Variants in PREPL observed in about 807,000 individuals in gnomAD.
PREPL encodes prolyl endopeptidase like.
Under a neutral mutation model 70.6 loss-of-function variants are expected in PREPL, and 77 were observed. That is an observed-to-expected ratio of 1.09 (90% confidence interval 0.91 to 1.32). PREPL has a LOEUF of 1.32. PREPL is among the 40% of genes most tolerant of loss of function. The pLI is 0.00. For missense variants in PREPL, 1,002 were observed against 778.2 expected, an observed-to-expected ratio of 1.29 and a Z score of -3.42; for synonymous variants, 315 against 264.8, an observed-to-expected ratio of 1.19 and a Z score of -1.84.
chr2:44,341,979 C>G lies in PREPL; in HGVS notation c.485+438G>C, dbSNP rs180997358. Among the ~76,000 whole-genome samples the G allele has an allele frequency of 4.2e-3, 641 of 152,168 alleles. 1 individual carries two copies. The highest frequency in any genetic ancestry group is 0.015 in the African/African-American group (609 of 41,532). ...AAAGGTACTCAACAATCATCAGGAA[C>G]AAGGGGTTTTAGTTTGAAAGAGAGA... On this transcript the variant is annotated intron_variant, in intron 5 of 13. Coordinates refer to ENST00000409411, the MANE Select transcript of PREPL (RefSeq NM_001171613.2).
chr2:44,321,265 C>T lies in PREPL; in HGVS notation c.*91G>A. 9.0e-7 allele frequency: 1 copy of T among 1,109,242 alleles called. No individual in the cohort carries two copies. Among genetic ancestry groups the T allele is most frequent in the Non-Finnish European group, 1.3e-6 (1 of 768,896 alleles). The allele number at this position is 1,109,242 out of a possible 1,614,324, so 68.7% of individuals were successfully genotyped here. On this transcript the variant is annotated 3_prime_UTR_variant, in exon 14 of 14. Coordinates refer to ENST00000409411, the MANE Select transcript of PREPL (RefSeq NM_001171613.2). ...TAAAAAATTAATAACTTAAAAGTCT[C>T]AAGTTATTAATTTTTTTTTTGCTAA...
rs1225195693 is a variant in PREPL, at chr2:44,338,433, T to C, written c.806A>G (p.His269Arg). ...GCTGTGCTTCAGAAATAGAACACAG[T>C]GATCCTTAAACATGTCCAAGTCTAT... is the stretch of plus-strand genomic sequence containing the variant. ...KVIDLDMFKD[H>R]CVLFLKHSNL... The change falls in exon 7 of 14, where the codon CAC becomes CGC. Residue 269 changes from histidine to arginine, a missense_variant. By Grantham distance (29) the His-to-Arg change is conservative. Transcript: ENST00000409411. 2 of 1,613,418 alleles carry C rather than the reference T, an allele frequency of 1.2e-6. No individual in the cohort carries two copies. The highest frequency in any genetic ancestry group is 1.7e-5 in the Admixed American group (1 of 59,900).
intron 2 of PREPL, among the ~76,000 whole-genome samples, chr2:44,345,758 A>G (rs1675735165): frequency 6.6e-6 from 1 of 152,202 alleles, no homozygotes; most frequent in Non-Finnish European, 1.5e-5. Flanking sequence ...CTTTTATTAA[A>G]AAATTTAGAC....
chr2:44,335,163 T>G (rs960568854), intron 7 of PREPL, among the ~76,000 whole-genome samples: 2 of 151,992 alleles, frequency 1.3e-5, no homozygotes, highest in African/African-American at 4.8e-5. Context: ...GGTCAGAAAA[T>G]GAAGAGATAG....
At chr2:44,357,762 T>C (rs1453454639) in intron 1 of PREPL, among the ~76,000 whole-genome samples, 1 of 152,170 alleles carries the variant, frequency 6.6e-6, no homozygotes, top group African/African-American at 2.4e-5. Flanking sequence ...CAAAATGTTC[T>C]AAACACAATG....
intron 1 of PREPL, chr2:44,359,978 A>G (rs1677502362): frequency 2.4e-6 from 1 of 417,802 alleles, no homozygotes; most frequent in Non-Finnish European, 4.3e-6. Flanking sequence ...TCTCATTTGT[A>G]AAGTTAATCC....
intron 4 of PREPL, among the ~76,000 whole-genome samples, chr2:44,343,353 C>G (rs1004718325): frequency 6.6e-6 from 1 of 151,974 alleles, no homozygotes; most frequent in African/African-American, 2.4e-5. Context: ...TTGGTAGTGA[C>G]TTTATGCTGT....
chr2:44,334,718 G>A (rs1441730993), intron 7 of PREPL, among the ~76,000 whole-genome samples: 1 of 152,024 alleles, frequency 6.6e-6, no homozygotes, highest in Non-Finnish European at 1.5e-5. Flanking sequence ...GCTAGTTTTT[G>A]TATTTTTAGT....
At chr2:44,355,213 T>C (rs1016281865) in intron 1 of PREPL, among the ~76,000 whole-genome samples, 3 of 152,306 alleles carry the variant, frequency 2.0e-5, no homozygotes, top group Non-Finnish European at 4.4e-5. Flanking sequence ...TGAGGAATTA[T>C]CACTCAAGCT....
intron 1 of PREPL, among the ~76,000 whole-genome samples, chr2:44,348,311 C>G (rs1676039907): frequency 6.6e-6 from 1 of 152,166 alleles, no homozygotes; most frequent in Admixed American, 6.5e-5. Flanking sequence ...AGTGGTGAGA[C>G]ATGATATCTG....
intron 4 of PREPL, 126 bp downstream of exon 4, chr2:44,343,619 G>A: frequency 2.6e-6 from 2 of 763,918 alleles, no homozygotes; most frequent in East Asian, 2.5e-5. Flanking sequence ...ATAGGAAGAT[G>A]TATAGTCCAT....
intron 3 of PREPL, among the ~76,000 whole-genome samples, 164 bp from the exon 4 acceptor site, chr2:44,344,115 GTTAT>G (rs1675522394): frequency 2.0e-5 from 3 of 152,104 alleles, no homozygotes; most frequent in Non-Finnish European, 4.4e-5. Flanking sequence ...CTGACAATAA[GTTAT>G]TTAATATTAC....
chr2:44,326,650 A>C, intron 10 of PREPL, 62 bp downstream of exon 10: 1 of 1,526,532 alleles, frequency 6.6e-7, no homozygotes, highest in Non-Finnish European at 9.1e-7. Context: ...CATTTTTCTT[A>C]GAGTAGCCTA....
Position 44,343,018 on chromosome 2 carries a change from T to C in PREPL, c.350-466A>G, listed in dbSNP as rs1033451600. On this transcript the variant is annotated intron_variant, in intron 4 of 13. Coordinates refer to ENST00000409411, the MANE Select transcript of PREPL (RefSeq NM_001171613.2). ...GCTGATTCTTGATCCCACCAGAAGC[T>C]GTCAACAGAAGTTTGCACACAATTA... is the stretch of plus-strand genomic sequence containing the variant. 2.0e-5 allele frequency among the ~76,000 whole-genome samples: 3 copies of C among 152,316 alleles called. No homozygotes were observed. In the South Asian group the frequency reaches 6.2e-4, roughly 32 times the overall value.
At chr2:44,351,001 C>A (rs2104106299) in intron 1 of PREPL, among the ~76,000 whole-genome samples, 1 of 151,634 alleles carries the variant, frequency 6.6e-6, no homozygotes. Context: ...CGGCTCCCTG[C>A]AACCTCTGCC....
intron 2 of PREPL, among the ~76,000 whole-genome samples, chr2:44,344,928 A>G (rs1675626367): frequency 6.6e-6 from 1 of 152,184 alleles, no homozygotes; most frequent in African/African-American, 2.4e-5. Flanking sequence ...AATTAACAGA[A>G]ATCAAGTGGC....
intron 1 of PREPL, among the ~76,000 whole-genome samples, chr2:44,356,933 C>G (rs1677111072): frequency 6.6e-6 from 1 of 152,062 alleles, no homozygotes; most frequent in African/African-American, 2.4e-5. Context: ...GCCTTCCAAG[C>G]AGCTGGGATT....
intron 1 of PREPL, among the ~76,000 whole-genome samples, chr2:44,346,600 T>C (rs1025338736): frequency 2.6e-5 from 4 of 152,114 alleles, no homozygotes; most frequent in South Asian, 2.1e-4. Context: ...CAAAGTAAGA[T>C]AGACATTTGA....
intron 9 of PREPL, 108 bp downstream of exon 9, chr2:44,328,828 AT>A: frequency 8.7e-7 from 1 of 1,150,490 alleles, no homozygotes; most frequent in South Asian, 1.8e-5. Flanking sequence ...CAAAAATTGA[AT>A]AATAAGAATG....
Sources: allele counts gnomAD v4.1 joint callset (sites outside exome capture counted in the v4.1 genomes callset), GRCh38; gene constraint gnomAD v4.1.1; transcripts MANE v1.5; gene names NCBI Gene and HGNC (gene_info 2026-07-23, HGNC 2026-07-21).